The following KIFC3 variants were observed in gnomAD, a reference collection of about 807,000 sequenced individuals.
KIFC3 encodes the protein kinesin-like protein KIFC3.
Under a neutral mutation model 101.8 loss-of-function variants are expected in KIFC3, and 60 were observed. The observed-to-expected ratio is 0.59, with a 90% CI of 0.48 to 0.73. The LOEUF (loss-of-function observed/expected upper bound fraction) is 0.73, where lower values mean the gene tolerates loss of function less well. Ranked by LOEUF, KIFC3 falls within the 30% of genes least tolerant of loss-of-function variation. The pLI is 0.00. For synonymous variants in KIFC3, 476 were observed against 482.7 expected (o/e 0.99, Z 0.18); for missense variants, 966 against 1,137.1 (o/e 0.85, Z 2.16).
At chr16:57,855,796 A>G (rs2056152590) in intron 1 of KIFC3, among the ~76,000 whole-genome samples, 1 of 151,868 alleles carries the variant, frequency 6.6e-6, no homozygotes, top group African/African-American at 2.4e-5. Flanking sequence ...AAATACAAAA[A>G]TTAGCTCAGC....
chr16:57,836,812 C>T (rs1247007319), intron 1 of KIFC3, among the ~76,000 whole-genome samples: 4 of 152,188 alleles, frequency 2.6e-5, no homozygotes, highest in Non-Finnish European at 2.9e-5. Context: ...CCACCTCAGC[C>T]TCCTGAGTAG....
intron 1 of KIFC3, among the ~76,000 whole-genome samples, chr16:57,829,375 C>G (rs190860113): frequency 6.6e-6 from 1 of 152,106 alleles, no homozygotes; most frequent in Non-Finnish European, 1.5e-5. Context: ...CACCTCAGTT[C>G]CCTGAGTAGC....
upstream of KIFC3, chr16:57,802,827 C>A: frequency 1.2e-6 from 1 of 857,360 alleles, no homozygotes; most frequent in Non-Finnish European, 1.9e-6. The surrounding 1 kb of genome is among the most constrained non-coding windows in gnomAD (Gnocchi z 5.0). Context: ...ACCTGGTGAG[C>A]CATGCGTACT....
chr16:57,807,929 T>TAAAAAAAAAAAAAAAA (rs58392665), upstream of KIFC3: 1 of 81,562 alleles, frequency 1.2e-5, no homozygotes, highest in African/African-American at 4.9e-5. Context: ...GATCCTGTCT[T>TAAAAAAAAAAAAAAAA]AAAAAAAAAA....
At chr16:57,815,202 C>A (rs1455269823) in intron 1 of KIFC3, among the ~76,000 whole-genome samples, 1 of 152,142 alleles carries the variant, frequency 6.6e-6, no homozygotes, top group Non-Finnish European at 1.5e-5. Context: ...GAAACAGACT[C>A]TGCCCAAACA....
At chr16:57,848,649 G>A (rs544770234) in intron 1 of KIFC3, among the ~76,000 whole-genome samples, 12 of 152,180 alleles carry the variant, frequency 7.9e-5, no homozygotes, top group East Asian at 3.9e-4. Flanking sequence ...ATTAAAAGAC[G>A]CCCATATGAA....
At chr16:57,839,630 C>T (rs1188469416) in intron 1 of KIFC3, among the ~76,000 whole-genome samples, 1 of 152,086 alleles carries the variant, frequency 6.6e-6, no homozygotes, top group Non-Finnish European at 1.5e-5. Context: ...GGAGACCTTA[C>T]CTATCATCGT....
At chr16:57,768,019 T>G (rs9888920) in intron 9 of KIFC3, among the ~76,000 whole-genome samples, 13,806 of 151,930 alleles carry the variant, frequency 0.091, 783 homozygotes, top group African/African-American at 0.15. Flanking sequence ...TTATAATATC[T>G]AATACAATGA....
chr16:57,763,264 G>A (rs112000457), intron 12 of KIFC3, among the ~76,000 whole-genome samples: 1,968 of 152,282 alleles, frequency 0.013, 46 homozygotes, highest in African/African-American at 0.044. Context: ...TGATGTTCCT[G>A]GTGGTCACCT....
chr16:57,765,344 T>G, intron 11 of KIFC3, 115 bp downstream of exon 11: 2 of 1,078,696 alleles, frequency 1.9e-6, no homozygotes, highest in Non-Finnish European at 2.6e-6. Context: ...TCCCCACTTC[T>G]GATTCCTGCA....
chr16:57,803,145 G>T, upstream of KIFC3: 3 of 1,002,018 alleles, frequency 3.0e-6, no homozygotes, highest in Non-Finnish European at 4.5e-6. Context: ...TATCTTCCCA[G>T]CAAGGAAGCT....
Position 57,769,675 on chromosome 16 carries a change from T to A in KIFC3, c.1138A>T (p.Asn380Tyr). 6.2e-7 allele frequency: 1 copy of A among 1,612,314 alleles called. No homozygotes were observed. Among genetic ancestry groups the A allele is most frequent in the Admixed American group, 1.7e-5 (1 of 60,014 alleles). Residue 380 changes from asparagine (N) to tyrosine (Y), a missense_variant, in exon 9 of 20, where the codon AAC (asparagine) becomes TAC (tyrosine). Coordinates refer to ENST00000445690, the MANE Select transcript of KIFC3 (RefSeq NM_001130100.2). This position sits in a 1 kb window ranked among gnomAD's most constrained non-coding sequence, Gnocchi z 4.3. ...TLQPALRTLT[N>Y]DYNGLKRQVR... ...TGCCGCTTGAGCCCATTGTAGTCGT[T>A]GGTGAGGGTCCGCAGTGCCGGCTGC...
chr16:57,803,847 A>G (rs1555626409), upstream of KIFC3, among the ~76,000 whole-genome samples: 1 of 152,178 alleles, frequency 6.6e-6, no homozygotes. Flanking sequence ...TTATTTGGGG[A>G]GTTATGATCT....
intron 3 of KIFC3, among the ~76,000 whole-genome samples, chr16:57,791,977 C>T (rs2053908526): frequency 1.3e-5 from 2 of 152,236 alleles, no homozygotes; most frequent in African/African-American, 4.8e-5. Context: ...TCAACCCCTG[C>T]ACCCGTGTTC....
chr16:57,802,387 G>A lies in KIFC3; in HGVS notation c.-57C>T. ...CCACTCACCGGCCTGGCGGAGGCAGGATCCAGGCGTCGCCGCAGCGCCCGG... is the reference window on the plus strand; with the variant it reads ...CCACTCACCGGCCTGGCGGAGGCAGAATCCAGGCGTCGCCGCAGCGCCCGG... On this transcript the variant is annotated 5_prime_UTR_variant, in exon 1 of 20. Transcript: ENST00000445690. The surrounding 1 kb of genome is among the most constrained non-coding windows in gnomAD (Gnocchi z 5.0). 1 of 983,474 alleles carries A rather than the reference G, an allele frequency of 1.0e-6. No individual in the cohort carries two copies. Among genetic ancestry groups the A allele is most frequent in the Non-Finnish European group, 1.2e-6 (1 of 829,196 alleles). The allele number at this position is 983,474 out of a possible 1,614,324, so 60.9% of individuals were successfully genotyped here. A position where few individuals can be genotyped will look rare whatever the true frequency, so the allele number is the denominator to read the frequency against.
intron 1 of KIFC3, 107 bp from the exon 2 acceptor site, chr16:57,798,389 T>G: frequency 2.9e-6 from 3 of 1,022,128 alleles, no homozygotes; most frequent in Non-Finnish European, 4.4e-6. Context: ...CGGTCGCTGG[T>G]TACCCAGCGC....
intron 1 of KIFC3, among the ~76,000 whole-genome samples, chr16:57,800,978 A>G (rs1417973487): frequency 6.6e-6 from 1 of 152,160 alleles, no homozygotes; most frequent in African/African-American, 2.4e-5. Flanking sequence ...GCCTCTCCGT[A>G]CTTCATTATC....
chr16:57,777,251 T>C (rs1333079103), intron 3 of KIFC3: 1 of 152,260 alleles, frequency 6.6e-6, no homozygotes, highest in Non-Finnish European at 1.5e-5. Flanking sequence ...AGATTTAATA[T>C]TGATAAGGTG....
At chr16:57,763,866 C>T (rs1331319655) in intron 12 of KIFC3, among the ~76,000 whole-genome samples, 7 of 152,260 alleles carry the variant, frequency 4.6e-5, no homozygotes, top group Admixed American at 3.9e-4. Context: ...GGTGGCCTGC[C>T]CCAGACTCTG....
Sources: gnomAD v4.1 joint callset for allele counts (sites outside exome capture counted in the v4.1 genomes callset) on GRCh38, gnomAD v4.1.1 for gene constraint, Gnocchi (gnomAD v3.1) non-coding constraint, MANE v1.5 for transcripts, NCBI Gene and HGNC (gene_info 2026-07-23, HGNC 2026-07-21) for gene names.